DZIP3: variants seen among roughly 807,000 people sequenced by gnomAD.
DZIP3 encodes the protein DAZ interacting zinc finger protein 3, also known as E3 ubiquitin-protein ligase DZIP3.
DZIP3 carries 118 observed loss-of-function variants against 162.0 expected under a neutral mutation model. The observed-to-expected ratio is 0.73, with a 90% CI of 0.63 to 0.85. DZIP3 has a LOEUF of 0.85. Ranked by LOEUF, DZIP3 falls within the 40% of genes least tolerant of loss-of-function variation. DZIP3 has a pLI of 0.00. For synonymous variants in DZIP3, 438 were observed against 458.6 expected (o/e 0.96, Z 0.57); for missense variants, 1,331 against 1,407.0 (o/e 0.95, Z 0.86).
chr3:108,683,866 A>G (rs1944406878), intron 26 of DZIP3, among the ~76,000 whole-genome samples: 2 of 152,154 alleles, frequency 1.3e-5, no homozygotes, highest in African/African-American at 4.8e-5. Flanking sequence ...GTTCTATGTG[A>G]TTACAGTTGG....
At chr3:108,610,192 G>A (rs550059041) in intron 3 of DZIP3, among the ~76,000 whole-genome samples, 1 of 152,150 alleles carries the variant, frequency 6.6e-6, no homozygotes, top group Non-Finnish European at 1.5e-5. Context: ...AGGTATATTT[G>A]TGGAATATAG....
chr3:108,630,618 A>G (rs1030427139), intron 8 of DZIP3, among the ~76,000 whole-genome samples: 2 of 152,114 alleles, frequency 1.3e-5, no homozygotes, highest in African/African-American at 4.8e-5. Context: ...TAATAATTTT[A>G]TGCATTTTAA....
chr3:108,645,466 T>C (rs767341360), intron 14 of DZIP3, among the ~76,000 whole-genome samples: 7 of 152,322 alleles, frequency 4.6e-5, no homozygotes, highest in Non-Finnish European at 5.9e-5. Context: ...AGTGTTTGTA[T>C]TGGCCACTCC....
chr3:108,672,433 G>T, intron 22 of DZIP3, 127 bp from the exon 23 acceptor site: 1 of 726,042 alleles, frequency 1.4e-6, no homozygotes, highest in South Asian at 1.9e-5. Flanking sequence ...TTGTTTCTAT[G>T]TGCTCTATAC....
At chr3:108,653,489 T>C (rs1461968190) in intron 18 of DZIP3, among the ~76,000 whole-genome samples, 2 of 117,158 alleles carry the variant, frequency 1.7e-5, no homozygotes, top group African/African-American at 5.9e-5. Flanking sequence ...AATTGGTTAA[T>C]TGCCATTGTG....
chr3:108,686,630 GT>G, intron 28 of DZIP3, 46 bp downstream of exon 28: 1 of 1,441,694 alleles, frequency 6.9e-7, no homozygotes, highest in Non-Finnish European at 9.2e-7. Context: ...ATATTCTCCA[GT>G]TTTCATAGCC....
chr3:108,616,643 G>C lies in DZIP3; in HGVS notation c.361G>C (p.Ala121Pro). 6.3e-7 allele frequency: 1 copy of C among 1,589,280 alleles called. No homozygotes were observed. The highest frequency in any genetic ancestry group is 8.6e-7 in the Non-Finnish European group (1 of 1,168,688). ...QLEAALRNIQ[A>P]GNYTAHQINI... ...AGAAGCAGCACTTAGGAACATTCAA[G>C]CTGGCAATTATACCGTAAGTGTTTT... is the stretch of plus-strand genomic sequence containing the variant. The change falls in exon 5 of 33, where the codon GCT becomes CCT. Residue 121 changes from alanine (A) to proline (P), a missense_variant. Transcript: ENST00000361582.
rs532980269 is a variant in DZIP3 at position 108,677,966 on chromosome 3, C to T, written c.2883+368C>T. Among the ~76,000 whole-genome samples the T allele has an allele frequency of 4.7e-4, 72 of 152,140 alleles. 1 individual carries two copies. Among genetic ancestry groups the T allele is most frequent in the Admixed American group, 4.7e-3 (71 of 15,268 alleles). On this transcript the variant is annotated intron_variant, in intron 26 of 32. Transcript: ENST00000361582. Reference sequence around the variant, plus strand: ...AACCTCTGGGCCACGGACCAGTGCACAGCAGGAGGTGAGCAGTGGGTGAAG... The same window carrying T: ...AACCTCTGGGCCACGGACCAGTGCATAGCAGGAGGTGAGCAGTGGGTGAAG...
At chr3:108,661,824 C>G in intron 19 of DZIP3, 53 bp from the exon 20 acceptor site, 1 of 1,482,208 alleles carries the variant, frequency 6.7e-7, no homozygotes. Flanking sequence ...TTTCAAATAA[C>G]TAAAATTTTT....
intron 14 of DZIP3, among the ~76,000 whole-genome samples, chr3:108,645,387 T>C (rs1333795205): frequency 1.3e-5 from 2 of 152,232 alleles, no homozygotes; most frequent in Non-Finnish European, 2.9e-5. Flanking sequence ...CAGAATCTTG[T>C]TTAGTTTACA....
intron 8 of DZIP3, among the ~76,000 whole-genome samples, chr3:108,631,058 C>CA (rs1941856797): frequency 1.5e-5 from 2 of 131,578 alleles, no homozygotes; most frequent in South Asian, 2.8e-4. Flanking sequence ...CACACACACT[C>CA]TCTCTCTCTC....
At chr3:108,679,639 A>G (rs1944233038) in intron 26 of DZIP3, among the ~76,000 whole-genome samples, 1 of 152,138 alleles carries the variant, frequency 6.6e-6, no homozygotes, top group Non-Finnish European at 1.5e-5. Flanking sequence ...TTGAGATGGT[A>G]CCTACAATGG....
intron 21 of DZIP3, among the ~76,000 whole-genome samples, chr3:108,665,652 T>C (rs1048266152): frequency 6.6e-6 from 1 of 152,116 alleles, no homozygotes; most frequent in African/African-American, 2.4e-5. Context: ...CTCAAATCCA[T>C]GCTAAGACAC....
intron 18 of DZIP3, among the ~76,000 whole-genome samples, chr3:108,651,667 T>A (rs1056027367): frequency 6.6e-6 from 1 of 151,748 alleles, no homozygotes; most frequent in East Asian, 1.9e-4. Flanking sequence ...TGCATTTTTT[T>A]AATCCAGTTA....
chr3:108,612,326 G>T (rs796489680), intron 4 of DZIP3, among the ~76,000 whole-genome samples: 1 of 151,998 alleles, frequency 6.6e-6, no homozygotes, highest in South Asian at 2.1e-4. Flanking sequence ...ACAAACTGAA[G>T]ATATTCATAA....
chr3:108,673,184 T>C (rs1943987383), intron 23 of DZIP3, among the ~76,000 whole-genome samples: 1 of 151,942 alleles, frequency 6.6e-6, no homozygotes, highest in South Asian at 2.1e-4. Flanking sequence ...CAAAACTTGA[T>C]ATACAGTAAG....
In DZIP3 at chr3:108,692,888, AAT is replaced by A. The variant is rs202053607; in HGVS notation, c.*7-465_*7-464del. 4.7e-3 allele frequency among the ~76,000 whole-genome samples: 705 copies of A among 148,812 alleles called. 2 individuals are homozygous for A. The highest frequency in any genetic ancestry group is 0.016 in the African/African-American group (642 of 41,020). The stretch of plus-strand genomic sequence containing the variant: ...ATTTTATTATATAAAAATAAGTTTT[AAT>A]ATATATTATATAAAAAGTTTTAATA... On this transcript the variant is annotated intron_variant, in intron 32 of 32. Coordinates refer to ENST00000361582, the MANE Select transcript of DZIP3 (RefSeq NM_014648.4).
intron 16 of DZIP3, 50 bp from the exon 17 acceptor site, chr3:108,648,868 C>A: frequency 1.9e-6 from 2 of 1,033,142 alleles, no homozygotes; most frequent in South Asian, 1.6e-5. Context: ...CAAAATAACC[C>A]ATTGGGCAAT....
intron 4 of DZIP3, among the ~76,000 whole-genome samples, 184 bp from the exon 5 acceptor site, chr3:108,616,357 G>A (rs1053899765): frequency 6.7e-6 from 1 of 150,370 alleles, no homozygotes. Flanking sequence ...GACATTCATC[G>A]GACTACTTAA....
Sources: allele counts gnomAD v4.1 joint callset (sites outside exome capture counted in the v4.1 genomes callset), GRCh38; gene constraint gnomAD v4.1.1; transcripts MANE v1.5; gene names NCBI Gene and HGNC (gene_info 2026-07-23, HGNC 2026-07-21).